The following RNF217 variants were observed in gnomAD, a reference collection of about 807,000 sequenced individuals.
RNF217 encodes the protein ring finger protein 217.
Under a neutral mutation model 57.8 loss-of-function variants are expected in RNF217, and 31 were observed. The ratio of observed to expected loss-of-function variants is 0.54; its 90% CI spans 0.40 to 0.72. The LOEUF (loss-of-function observed/expected upper bound fraction) is 0.72. RNF217 is among the 30% of genes least tolerant of loss of function. The pLI, the probability that RNF217 is intolerant of heterozygous loss-of-function variation, is 0.00. For synonymous variants in RNF217, 313 were observed against 294.0 expected (o/e 1.06, Z -0.66); for missense variants, 696 against 708.3 (o/e 0.98, Z 0.20).
intron 1 of RNF217, among the ~76,000 whole-genome samples, chr6:124,985,148 G>A (rs1784327694): frequency 6.6e-6 from 1 of 152,216 alleles, no homozygotes; most frequent in Non-Finnish European, 1.5e-5. Context: ...AGATCCAAAA[G>A]TCTGGTGTGT....
At position 124,964,738 on chromosome 6, in the gene RNF217, A is replaced by T. The variant is rs149741519; in HGVS notation, c.882+1312A>T. ...CTTTATCTACAGAGATTCTTAAAAC[A>T]GGAGGAATGTCTGCTGCTGGTTGTG... On this transcript the variant is annotated intron_variant, in intron 1 of 5. Coordinates refer to ENST00000521654, the MANE Select transcript of RNF217 (RefSeq NM_001286398.3). Among the ~76,000 whole-genome samples the T allele has an allele frequency of 2.5e-3, 375 of 152,360 alleles. 2 individuals are homozygous for T. Among genetic ancestry groups the T allele is most frequent in the African/African-American group, 8.5e-3 (352 of 41,594 alleles).
intron 2 of RNF217, among the ~76,000 whole-genome samples, chr6:125,047,215 A>G (rs1040317217): frequency 1.3e-5 from 2 of 152,090 alleles, no homozygotes; most frequent in East Asian, 3.9e-4. Context: ...AATTGCAGTA[A>G]TTAAAACATG....
intron 1 of RNF217, among the ~76,000 whole-genome samples, chr6:125,019,107 C>T (rs1167342799): frequency 7.2e-5 from 11 of 152,164 alleles, no homozygotes; most frequent in Non-Finnish European, 8.8e-5. Context: ...TGCAATTAGC[C>T]AATGAGGCTG....
At chr6:124,987,993 G>A (rs190363937) in intron 1 of RNF217, among the ~76,000 whole-genome samples, 7 of 152,158 alleles carry the variant, frequency 4.6e-5, no homozygotes, top group Non-Finnish European at 1.0e-4. Flanking sequence ...ATCAATCCCC[G>A]GACTGTTAGG....
chr6:124,986,672 A>G (rs1784373812), intron 1 of RNF217, among the ~76,000 whole-genome samples: 2 of 152,294 alleles, frequency 1.3e-5, no homozygotes, highest in Admixed American at 1.3e-4. Context: ...GCTGGCAGAC[A>G]TTTTCTGTAA....
In RNF217 at chr6:125,084,100, C is replaced by T. The variant is rs539204299; in HGVS notation, c.*1163C>T. On this transcript the variant is annotated 3_prime_UTR_variant, in exon 6 of 6. Coordinates refer to ENST00000521654, the MANE Select transcript of RNF217 (RefSeq NM_001286398.3). ...TAACCTTGTTATCTCTTGCCTCCTC[C>T]TCTCTGTTTTTATTTGTTTTCAAGG... 6.6e-6 allele frequency: 1 copy of T among 151,938 alleles called. No individual in the cohort carries two copies. The allele number at this position is 151,938 out of a possible 1,614,324, so 9.4% of individuals were successfully genotyped here. A position where few individuals can be genotyped will look rare whatever the true frequency, so the allele number is the denominator to read the frequency against.
At chr6:124,991,152 C>T (rs977765385) in intron 1 of RNF217, among the ~76,000 whole-genome samples, 22 of 152,170 alleles carry the variant, frequency 1.4e-4, no homozygotes, top group African/African-American at 5.3e-4. Context: ...CCTGCAATTC[C>T]CTGTGTGATC....
intron 3 of RNF217, among the ~76,000 whole-genome samples, chr6:125,074,746 A>G (rs1788301778): frequency 6.6e-6 from 1 of 152,156 alleles, no homozygotes; most frequent in African/African-American, 2.4e-5. Flanking sequence ...AGACATTCAA[A>G]TAAATACACT....
chr6:124,997,550 T>G (rs1784800338), intron 1 of RNF217, among the ~76,000 whole-genome samples: 1 of 152,166 alleles, frequency 6.6e-6, no homozygotes, highest in Non-Finnish European at 1.5e-5. Flanking sequence ...GACACATTGA[T>G]GAAGGGCAAG....
Position 125,087,610 on chromosome 6 carries a change from G to A in RNF217, c.*4673G>A, listed in dbSNP as rs1311375759. Reference sequence around the variant, plus strand: ...TGATACATATATTTCAGTGGAGACAGTAGGATAACAGTGTTAGCAAATATG... The same window carrying A: ...TGATACATATATTTCAGTGGAGACAATAGGATAACAGTGTTAGCAAATATG... On this transcript the variant is annotated 3_prime_UTR_variant, in exon 6 of 6. Coordinates refer to ENST00000521654, the MANE Select transcript of RNF217 (RefSeq NM_001286398.3). 6.6e-6 allele frequency: 1 copy of A among 152,126 alleles called. No individual in the cohort carries two copies. The highest frequency in any genetic ancestry group is 1.5e-5 in the Non-Finnish European group (1 of 68,016). The allele number at this position is 152,126 out of a possible 1,614,324, so 9.4% of individuals were successfully genotyped here.
At chr6:125,036,242 C>A (rs747075479) in intron 1 of RNF217, among the ~76,000 whole-genome samples, 1 of 152,120 alleles carries the variant, frequency 6.6e-6, no homozygotes, top group Non-Finnish European at 1.5e-5. Flanking sequence ...CATGTCCCTG[C>A]AAAGGACGTG....
chr6:124,992,037 T>C (rs895668102), intron 1 of RNF217, among the ~76,000 whole-genome samples: 1 of 152,162 alleles, frequency 6.6e-6, no homozygotes, highest in East Asian at 1.9e-4. Flanking sequence ...CCTTCTCATA[T>C]AAATGCCCTG....
rs1036093289 is a variant in RNF217, at chr6:124,995,394, T to C, written c.882+31968T>C. On this transcript the variant is annotated intron_variant, in intron 1 of 5. Coordinates refer to ENST00000521654, the MANE Select transcript of RNF217 (RefSeq NM_001286398.3). ...GATTTTATTGAATTATTTATTAATT[T>C]AGTTTCATTACAAATGTATGCATCC... Among the ~76,000 whole-genome samples, 5 of 152,364 alleles carry C rather than the reference T, an allele frequency of 3.3e-5. No individual in the cohort carries two copies. In the South Asian group the frequency reaches 6.2e-4, roughly 19 times the overall value.
Position 125,082,852 on chromosome 6 carries a change from TC to T in RNF217, c.1556-11del. On this transcript the variant is annotated splice_polypyrimidine_tract_variant and intron_variant, in intron 5 of 5. Transcript: ENST00000521654. ...CTCATCCTAACTAACTTTAATTTTTTCTTATCCCTAGGTTTATTTGTATTTC... is the reference window on the plus strand; with the variant it reads ...CTCATCCTAACTAACTTTAATTTTTTTTATCCCTAGGTTTATTTGTATTTC... 5 of 1,581,306 alleles carry T rather than the reference TC, an allele frequency of 3.2e-6. No individual in the cohort carries two copies. The highest frequency in any genetic ancestry group is 3.3e-4 in the Middle Eastern group (2 of 5,978).
At chr6:125,052,320 G>GTGTGTGT (rs1554291658) in intron 2 of RNF217, among the ~76,000 whole-genome samples, 8 of 141,304 alleles carry the variant, frequency 5.7e-5, no homozygotes, top group Admixed American at 1.4e-4. Flanking sequence ...GTGTGTGTGT[G>GTGTGTGT]GTTTTATTTG....
At chr6:125,011,322 C>G (rs1785407149) in intron 1 of RNF217, among the ~76,000 whole-genome samples, 1 of 152,052 alleles carries the variant, frequency 6.6e-6, no homozygotes, top group African/African-American at 2.4e-5. Context: ...TGCTATGTGC[C>G]AGGTGCCATC....
In RNF217 at chr6:125,086,410, T is replaced by C. The variant is rs1326727392; in HGVS notation, c.*3473T>C. 1 of 152,038 alleles carries C rather than the reference T, an allele frequency of 6.6e-6. No homozygotes were observed. The highest frequency in any genetic ancestry group is 2.4e-5 in the African/African-American group (1 of 41,418). 9.4% of individuals were successfully genotyped at this position (152,038 alleles called of 1,614,324 possible). On this transcript the variant is annotated 3_prime_UTR_variant, in exon 6 of 6. Coordinates refer to ENST00000521654, the MANE Select transcript of RNF217 (RefSeq NM_001286398.3). ...GCCTCATTTTAAAACTTGAGGGATT[T>C]AAATCAAATACCCAAGCCAAATTGG... is the stretch of plus-strand genomic sequence containing the variant.
At chr6:125,077,968 C>A (rs1009107730) in intron 4 of RNF217, among the ~76,000 whole-genome samples, 3 of 152,108 alleles carry the variant, frequency 2.0e-5, no homozygotes, top group Non-Finnish European at 4.4e-5. Context: ...AACATGTATA[C>A]GCAAATGCAC....
At chr6:125,010,013 G>A in intron 1 of RNF217, among the ~76,000 whole-genome samples, 1 of 150,156 alleles carries the variant, frequency 6.7e-6, no homozygotes, top group Non-Finnish European at 1.5e-5. Context: ...CTAAATCTGA[G>A]GGTCAGACAG....
Sources: gnomAD v4.1 joint callset for allele counts (sites outside exome capture counted in the v4.1 genomes callset) on GRCh38, gnomAD v4.1.1 for gene constraint, MANE v1.5 for transcripts, NCBI Gene and HGNC (gene_info 2026-07-23, HGNC 2026-07-21) for gene names.